The following DRD2 variants were observed in gnomAD, a reference collection of about 807,000 sequenced individuals.
DRD2 encodes the protein dopamine receptor D2.
Under a neutral mutation model 38.0 loss-of-function variants are expected in DRD2, and 8 were observed. That is an observed-to-expected ratio of 0.21 (90% CI 0.12 to 0.38). The LOEUF is 0.38. Among genes scored for constraint, DRD2 ranks in the 10% least tolerant of loss-of-function variants. The pLI, the probability that DRD2 is intolerant of heterozygous loss-of-function variation, is 1.00. For synonymous variants in DRD2, 230 were observed against 238.6 expected (o/e 0.96, Z 0.33); for missense variants, 403 against 607.7 (o/e 0.66, Z 3.54).
intron 1 of DRD2, among the ~76,000 whole-genome samples, chr11:113,448,328 C>A (rs1951173563): frequency 6.6e-6 from 1 of 152,170 alleles, no homozygotes; most frequent in Non-Finnish European, 1.5e-5. Context: ...CAGGCAGCAA[C>A]TGTGATTCCA....
rs529250993 is a variant in DRD2, at chr11:113,416,766, C to T, written c.532+97G>A. On this transcript the variant is annotated intron_variant, in intron 4 of 7. Coordinates refer to ENST00000362072, the MANE Select transcript of DRD2 (RefSeq NM_000795.4). ...GTGATAGGCCTCCATTGGGCCTCCACCCATATCTGTGCCAGGGACTCTGCT... is the reference window on the plus strand; with the variant it reads ...GTGATAGGCCTCCATTGGGCCTCCATCCATATCTGTGCCAGGGACTCTGCT... The T allele has an allele frequency of 1.1e-5, 17 of 1,535,794 alleles. No homozygotes were observed. In the East Asian group the frequency reaches 2.4e-4, roughly 22 times the overall value.
intron 2 of DRD2, among the ~76,000 whole-genome samples, chr11:113,418,386 T>C (rs561364046): frequency 6.6e-6 from 1 of 152,308 alleles, no homozygotes; most frequent in Admixed American, 6.5e-5. Flanking sequence ...AGCCAACTTA[T>C]ACGGAGGGCC....
Position 113,475,144 on chromosome 11 carries a change from T to A in DRD2, c.-100A>T, listed in dbSNP as rs1475978797. On this transcript the variant is annotated 5_prime_UTR_variant, in exon 1 of 8. It removes an upstream start codon present in the reference 5' UTR. Coordinates refer to ENST00000362072, the MANE Select transcript of DRD2 (RefSeq NM_000795.4). ...CTTGAGGCTTCCAGCTCCCGCCGCA[T>A]CCACGCGCGGCCGCCCCTCCGGCAG... The A allele has an allele frequency of 6.6e-6, 1 of 151,096 alleles. No homozygotes were observed. Among genetic ancestry groups the A allele is most frequent in the Non-Finnish European group, 1.5e-5 (1 of 67,416 alleles). 9.4% of individuals were successfully genotyped at this position (151,096 alleles called of 1,614,324 possible).
intron 1 of DRD2, chr11:113,474,194 G>A (rs1951455454): frequency 6.6e-6 from 1 of 152,324 alleles, no homozygotes; most frequent in African/African-American, 2.4e-5. Flanking sequence ...TGTCCATGGT[G>A]AAGCCTGTTA....
intron 1 of DRD2, chr11:113,450,209 C>G (rs1951198400): frequency 2.6e-5 from 4 of 152,404 alleles, no homozygotes. Context: ...ATCCCGGCAA[C>G]TAACTCATCA....
intron 1 of DRD2, among the ~76,000 whole-genome samples, chr11:113,442,307 C>T (rs1410574627): frequency 6.6e-6 from 1 of 152,196 alleles, no homozygotes; most frequent in African/African-American, 2.4e-5. Context: ...ACATTAACTA[C>T]CAGGTCCCAG....
chr11:113,414,153 G>A (rs1160149576), intron 6 of DRD2: 3 of 614,494 alleles, frequency 4.9e-6, no homozygotes, highest in South Asian at 1.8e-5. Flanking sequence ...CGTTGGTATG[G>A]CCAACCATTT....
At chr11:113,430,712 G>A (rs1052563486) in intron 1 of DRD2, among the ~76,000 whole-genome samples, 2 of 152,184 alleles carry the variant, frequency 1.3e-5, no homozygotes, top group African/African-American at 4.8e-5. Flanking sequence ...TTGTGTTCAT[G>A]GTAGCGGAGT....
Position 113,410,572 on chromosome 11 carries a change from T to C in DRD2, c.*155A>G. ...TGGCAGAGTGAGGGTGTGCGGGCAG[T>C]GAGGAGCATGGAGCCAAGCGAACAC... On this transcript the variant is annotated 3_prime_UTR_variant, in exon 8 of 8. Coordinates refer to ENST00000362072, the MANE Select transcript of DRD2 (RefSeq NM_000795.4). The C allele has an allele frequency of 1.1e-6, 1 of 944,768 alleles. No individual in the cohort carries two copies. Among genetic ancestry groups the C allele is most frequent in the Admixed American group, 1.8e-5 (1 of 54,228 alleles). The allele number at this position is 944,768 out of a possible 1,614,324, so 58.5% of individuals were successfully genotyped here.
rs1456692017 is a variant in DRD2, at chr11:113,412,704, A to T, written c.990T>A (p.His330Gln). 1 of 1,614,192 alleles carries T rather than the reference A, an allele frequency of 6.2e-7. No homozygotes were observed. Among genetic ancestry groups the T allele is most frequent in the African/African-American group, 1.3e-5 (1 of 75,040 alleles). Residue 330 changes from histidine to glutamine, a missense_variant, in exon 7 of 8, where the codon CAT (histidine) becomes CAA (glutamine). Transcript: ENST00000362072. ...TGGCAATCTTGGGGTGGTCTTTGGCATGCCCATTCTTCTCTGGTTTGGCGG... is the reference window on the plus strand; with the variant it reads ...TGGCAATCTTGGGGTGGTCTTTGGCTTGCCCATTCTTCTCTGGTTTGGCGG... ...DSPAKPEKNG[H>Q]AKDHPKIAKI...
rs539700706 is a variant in DRD2 at position 113,420,469 on chromosome 11, A to G, written c.286-2333T>C. On this transcript the variant is annotated intron_variant, in intron 2 of 7. Transcript: ENST00000362072. ...GACTCAAGAAAATGCATTGGTGGCCACTGTCCATAAGACATCTACTGTGGG... is the reference window on the plus strand; with the variant it reads ...GACTCAAGAAAATGCATTGGTGGCCGCTGTCCATAAGACATCTACTGTGGG... Among the ~76,000 whole-genome samples the G allele has an allele frequency of 4.6e-5, 7 of 152,316 alleles. No homozygotes were observed. In the South Asian group the frequency reaches 1.4e-3, roughly 32 times the overall value.
At position 113,424,490 on chromosome 11, in the gene DRD2, C is replaced by A. The variant is rs749350345; in HGVS notation, c.162G>T (p.Leu54=). The A allele has an allele frequency of 7.4e-6, 12 of 1,614,114 alleles. No individual in the cohort carries two copies. The highest frequency in any genetic ancestry group is 9.3e-6 in the Non-Finnish European group (11 of 1,180,062). Residue 54 remains leucine (L), a synonymous_variant, in exon 2 of 8, where the codon CTG becomes CTT. Transcript: ENST00000362072. ...TCTCGCGGGACACAGCCATGCACAC[C>A]AGCACGTTGCCGAAGACGATGACAG... ...LIAVIVFGNV[L]VCMAVSREKA...
intron 1 of DRD2, among the ~76,000 whole-genome samples, chr11:113,465,163 T>G (rs1231376930): frequency 3.3e-5 from 5 of 151,982 alleles, no homozygotes; most frequent in East Asian, 1.9e-4. Context: ...TGGAGTGCAG[T>G]GGCCTGATCT....
At chr11:113,415,741 T>A in intron 4 of DRD2, 130 bp from the exon 5 acceptor site, 1 of 1,004,496 alleles carries the variant, frequency 1.0e-6, no homozygotes, top group Non-Finnish European at 1.5e-6. Flanking sequence ...ACTAGATGTT[T>A]AAGGCTGCCT....
At chr11:113,449,850 C>T (rs1951193559) in intron 1 of DRD2, among the ~76,000 whole-genome samples, 1 of 152,202 alleles carries the variant, frequency 6.6e-6, no homozygotes, top group African/African-American at 2.4e-5. Flanking sequence ...AAAGTCAGAG[C>T]AAAATGGCTG....
At chr11:113,429,519 A>G (rs1950967741) in intron 1 of DRD2, among the ~76,000 whole-genome samples, 1 of 152,170 alleles carries the variant, frequency 6.6e-6, no homozygotes. Context: ...TGCTGGGATT[A>G]CAGGCGTGAG....
intron 2 of DRD2, among the ~76,000 whole-genome samples, chr11:113,421,246 C>T (rs1167888278): frequency 6.6e-6 from 1 of 152,160 alleles, no homozygotes; most frequent in African/African-American, 2.4e-5. Flanking sequence ...GGGCCTTATG[C>T]CCCACACCTC....
At chr11:113,423,282 T>C (rs181285499) in intron 2 of DRD2, among the ~76,000 whole-genome samples, 1 of 116,358 alleles carries the variant, frequency 8.6e-6, no homozygotes, top group Non-Finnish European at 2.3e-5. Context: ...AATTTAATTT[T>C]ATTTTTTTTT....
intron 2 of DRD2, among the ~76,000 whole-genome samples, chr11:113,422,012 C>A (rs992645219): frequency 6.6e-6 from 1 of 152,128 alleles, no homozygotes; most frequent in Non-Finnish European, 1.5e-5. Flanking sequence ...TTCCTGGGAA[C>A]CCCCTATAGC....
Sources: allele counts gnomAD v4.1 joint callset (sites outside exome capture counted in the v4.1 genomes callset), GRCh38; gene constraint gnomAD v4.1.1; transcripts MANE v1.5; gene names NCBI Gene and HGNC (gene_info 2026-07-23, HGNC 2026-07-21).